Variants in ASTN2 observed in about 807,000 individuals in gnomAD.
ASTN2 encodes astrotactin-2.
ASTN2 carries 54 observed loss-of-function variants against 139.8 expected under a neutral mutation model. The ratio of observed to expected loss-of-function variants is 0.39; its 90% CI spans 0.31 to 0.48. The LOEUF (loss-of-function observed/expected upper bound fraction) is 0.48. ASTN2 is among the 20% of genes least tolerant of loss of function. ASTN2 has a pLI of 0.95. For missense variants in ASTN2, 1,565 were observed against 1,725.1 expected, an observed-to-expected ratio of 0.91 and a Z score of 1.64; for synonymous variants, 756 against 719.5, an observed-to-expected ratio of 1.05 and a Z score of -0.81.
At position 116,590,738 on chromosome 9, in the gene ASTN2, A is replaced by C. The variant is rs150447830; in HGVS notation, c.3355+27586T>G. On this transcript the variant is annotated intron_variant, in intron 19 of 22. Transcript: ENST00000313400. ...TCAGTATACAGTTCCTCCTCCCTGA[A>C]GCCCATAAAAACTCCGGACTCAGCC... Among the ~76,000 whole-genome samples, 8 of 152,270 alleles carry C rather than the reference A, an allele frequency of 5.3e-5. No individual in the cohort carries two copies. The East Asian group carries it at 1.6e-3, about 30-fold the overall frequency.
intron 5 of ASTN2, among the ~76,000 whole-genome samples, chr9:117,077,741 C>T (rs1828318439): frequency 1.3e-5 from 2 of 152,110 alleles, no homozygotes; most frequent in Admixed American, 1.3e-4. Flanking sequence ...GAGCAAGACT[C>T]TGTCTAAATA....
chr9:117,075,417 A>G (rs920726946), intron 5 of ASTN2, among the ~76,000 whole-genome samples: 1 of 151,458 alleles, frequency 6.6e-6, no homozygotes, highest in African/African-American at 2.4e-5. Flanking sequence ...AAAGAAAGAG[A>G]CACACCAAGA....
At chr9:117,181,687 G>A (rs1256928531) in intron 3 of ASTN2, among the ~76,000 whole-genome samples, 3 of 152,062 alleles carry the variant, frequency 2.0e-5, no homozygotes, top group South Asian at 2.1e-4. Context: ...TGTTTCACAG[G>A]GCTAATGATG....
chr9:117,307,393 T>C (rs1424488643), intron 1 of ASTN2, among the ~76,000 whole-genome samples: 4 of 152,196 alleles, frequency 2.6e-5, no homozygotes, highest in African/African-American at 9.6e-5. Context: ...AACTGCTCCC[T>C]CCTAACACTG....
intron 22 of ASTN2, among the ~76,000 whole-genome samples, chr9:116,429,526 T>C (rs1347605590): frequency 6.6e-6 from 1 of 152,042 alleles, no homozygotes; most frequent in African/African-American, 2.4e-5. Context: ...ATAGTGAGGG[T>C]TAAGTCAGTA....
chr9:117,197,513 T>C (rs1393887024), intron 3 of ASTN2: 1 of 152,172 alleles, frequency 6.6e-6, no homozygotes, highest in East Asian at 1.9e-4. Flanking sequence ...ACTATCAAAT[T>C]GCTGCAGAAT....
rs189965718 is a variant in ASTN2, at chr9:117,124,293, T to C, written c.1168+17033A>G. Among the ~76,000 whole-genome samples, 142 of 152,264 alleles carry C rather than the reference T, an allele frequency of 9.3e-4. 3 individuals carry two copies. The Middle Eastern group carries it at 0.048, about 51-fold the overall frequency. On this transcript the variant is annotated intron_variant, in intron 4 of 22. Coordinates refer to ENST00000313400, the MANE Select transcript of ASTN2 (RefSeq NM_001365068.1). ...TTCTCATTTGTGTTATGGGACGATT[T>C]CTACATACCCACCTCCCACTCCACA...
At chr9:117,410,713 C>G (rs955557380) in intron 1 of ASTN2, among the ~76,000 whole-genome samples, 1 of 152,152 alleles carries the variant, frequency 6.6e-6, no homozygotes, top group Non-Finnish European at 1.5e-5. Context: ...TCTTTCTGGT[C>G]CAGAAAGTGC....
chr9:116,505,714 T>G (rs1354826136), intron 19 of ASTN2, among the ~76,000 whole-genome samples: 2 of 152,156 alleles, frequency 1.3e-5, no homozygotes, highest in Non-Finnish European at 1.5e-5. Context: ...TATTTTCATA[T>G]CCATCAACTC....
intron 4 of ASTN2, among the ~76,000 whole-genome samples, chr9:117,139,756 A>G (rs1009272443): frequency 2.6e-5 from 4 of 152,184 alleles, no homozygotes; most frequent in Non-Finnish European, 5.9e-5. Flanking sequence ...TCACACAAAA[A>G]TGAATCTAGT....
At chr9:117,318,953 G>C (rs1003495213) in intron 1 of ASTN2, among the ~76,000 whole-genome samples, 2 of 152,222 alleles carry the variant, frequency 1.3e-5, no homozygotes, top group African/African-American at 4.8e-5. Context: ...GTTTCAACTA[G>C]TCACTGCGGG....
chr9:117,195,848 C>T (rs1424622866), intron 3 of ASTN2, among the ~76,000 whole-genome samples: 1 of 152,128 alleles, frequency 6.6e-6, no homozygotes, highest in Non-Finnish European at 1.5e-5. Context: ...GGGGACCACT[C>T]GAAACACTCC....
At chr9:117,193,167 C>A (rs1425952239) in intron 3 of ASTN2, among the ~76,000 whole-genome samples, 1 of 152,170 alleles carries the variant, frequency 6.6e-6, no homozygotes, top group African/African-American at 2.4e-5. Context: ...AATCCTGTCT[C>A]CCCCTGTGGC....
At chr9:117,204,470 G>A (rs774297882) in intron 3 of ASTN2, among the ~76,000 whole-genome samples, 5 of 152,204 alleles carry the variant, frequency 3.3e-5, no homozygotes, top group African/African-American at 9.6e-5. Context: ...CAAAAACAAA[G>A]ATAAAGGACA....
intron 12 of ASTN2, among the ~76,000 whole-genome samples, chr9:116,815,087 A>G (rs1239581483): frequency 1.3e-5 from 2 of 152,210 alleles, no homozygotes; most frequent in Non-Finnish European, 2.9e-5. Flanking sequence ...AACCACAATA[A>G]AACAAGTGCC....
Position 117,414,460 on chromosome 9 carries a change from TC to T in ASTN2, c.442+36del, listed in dbSNP as rs755525003. 1 of 1,601,992 alleles carries T rather than the reference TC, an allele frequency of 6.2e-7. No individual in the cohort carries two copies. Among genetic ancestry groups the T allele is most frequent in the African/African-American group, 1.4e-5 (1 of 73,690 alleles). On this transcript the variant is annotated intron_variant, in intron 1 of 22. Coordinates refer to ENST00000313400, the MANE Select transcript of ASTN2 (RefSeq NM_001365068.1). This position sits in a 1 kb window ranked among gnomAD's most constrained non-coding sequence, Gnocchi z 4.2. Reference sequence around the variant, plus strand: ...CCGGCATGACGCAGGGGCTCGGGGTTCCTTGGGATCTAGCGCGTGCCGGCGC... The same window carrying T: ...CCGGCATGACGCAGGGGCTCGGGGTTCTTGGGATCTAGCGCGTGCCGGCGC...
At chr9:117,397,679 G>A (rs180776046) in intron 1 of ASTN2, among the ~76,000 whole-genome samples, 6 of 152,250 alleles carry the variant, frequency 3.9e-5, no homozygotes, top group African/African-American at 1.2e-4. Context: ...TTTACGGTGC[G>A]TCTATTACTT....
In ASTN2 at chr9:117,084,347, C is replaced by T. The variant is rs1564418316; in HGVS notation, c.1276+11697G>A. ...CCTTCTGGAGGAAGGAGTCCACTCC[C>T]ACAAACCACAAACAGCTGAACATTT... On this transcript the variant is annotated intron_variant, in intron 5 of 22. Coordinates refer to ENST00000313400, the MANE Select transcript of ASTN2 (RefSeq NM_001365068.1). Among the ~76,000 whole-genome samples the T allele has an allele frequency of 2.0e-5, 3 of 152,142 alleles. No homozygotes were observed. In the South Asian group the frequency reaches 6.2e-4, roughly 32 times the overall value.
At chr9:116,440,989 G>A (rs1283411637) in intron 21 of ASTN2, among the ~76,000 whole-genome samples, 197 bp from the exon 22 acceptor site, 1 of 152,192 alleles carries the variant, frequency 6.6e-6, no homozygotes, top group African/African-American at 2.4e-5. Context: ...AGGTAATGAT[G>A]TCTATTCTGG....
Sources: gnomAD v4.1 joint callset for allele counts (sites outside exome capture counted in the v4.1 genomes callset) on GRCh38, gnomAD v4.1.1 for gene constraint, Gnocchi (gnomAD v3.1) non-coding constraint, MANE v1.5 for transcripts, NCBI Gene and HGNC (gene_info 2026-07-23, HGNC 2026-07-21) for gene names.